ZNF804A: variants seen among roughly 807,000 people sequenced by gnomAD.
ZNF804A encodes zinc finger protein 804A.
ZNF804A carries 2 observed loss-of-function variants against 16.5 expected under a neutral mutation model. The observed-to-expected ratio is 0.12, with a 90% CI of 0.05 to 0.38. The LOEUF (loss-of-function observed/expected upper bound fraction) is 0.38. ZNF804A is among the 10% of genes least tolerant of loss of function. The pLI is 0.99. For synonymous variants in ZNF804A, 534 were observed against 489.6 expected (o/e 1.09, Z -1.20); for missense variants, 1,473 against 1,390.7 (o/e 1.06, Z -0.94).
chr2:184,910,490 C>A (rs573776968), intron 2 of ZNF804A, among the ~76,000 whole-genome samples: 2 of 152,096 alleles, frequency 1.3e-5, no homozygotes, highest in East Asian at 3.9e-4. Context: ...GGAATATACC[C>A]AATAATGAAA....
intron 2 of ZNF804A, among the ~76,000 whole-genome samples, chr2:184,893,437 T>G (rs1685017531): frequency 6.6e-6 from 1 of 152,062 alleles, no homozygotes; most frequent in Non-Finnish European, 1.5e-5. Context: ...TTTATTTTGT[T>G]GTAGAAGTAT....
intron 1 of ZNF804A, among the ~76,000 whole-genome samples, chr2:184,794,521 T>C (rs1694601055): frequency 6.6e-6 from 1 of 152,096 alleles, no homozygotes; most frequent in South Asian, 2.1e-4. Flanking sequence ...AGTCTGTGAG[T>C]TGTCTGTTTA....
At chr2:184,702,175 T>C (rs893023773) in intron 1 of ZNF804A, among the ~76,000 whole-genome samples, 5 of 152,072 alleles carry the variant, frequency 3.3e-5, no homozygotes, top group Admixed American at 2.6e-4. Context: ...CTGTGTGTAC[T>C]AATATATGCT....
intron 1 of ZNF804A, among the ~76,000 whole-genome samples, chr2:184,688,365 T>G (rs1692673077): frequency 6.6e-6 from 1 of 151,858 alleles, no homozygotes. Flanking sequence ...TGTGTGTGTG[T>G]GTGTGTACGT....
intron 1 of ZNF804A, among the ~76,000 whole-genome samples, chr2:184,761,470 G>C (rs1217023285): frequency 1.3e-5 from 2 of 152,044 alleles, no homozygotes; most frequent in African/African-American, 4.8e-5. Flanking sequence ...TGCATAAAAT[G>C]ATTGAAATAG....
chr2:184,832,837 C>G (rs754863741), intron 1 of ZNF804A, among the ~76,000 whole-genome samples: 14 of 151,904 alleles, frequency 9.2e-5, no homozygotes, highest in Non-Finnish European at 1.6e-4. Flanking sequence ...CCATGATTCT[C>G]TATATTTAGT....
intron 1 of ZNF804A, among the ~76,000 whole-genome samples, chr2:184,725,031 T>C (rs1490417114): frequency 2.6e-5 from 4 of 151,754 alleles, no homozygotes; most frequent in Non-Finnish European, 4.4e-5. Flanking sequence ...GGATTTATAA[T>C]TATTTTTTGA....
intron 1 of ZNF804A, among the ~76,000 whole-genome samples, chr2:184,832,279 G>T (rs1695275940): frequency 6.6e-6 from 1 of 152,006 alleles, no homozygotes; most frequent in African/African-American, 2.4e-5. Flanking sequence ...AATTTGCTAT[G>T]TGCTTAAAGA....
At chr2:184,835,160 G>C (rs1223540109) in intron 1 of ZNF804A, among the ~76,000 whole-genome samples, 1 of 152,078 alleles carries the variant, frequency 6.6e-6, no homozygotes, top group African/African-American at 2.4e-5. Flanking sequence ...GTTTGTACTG[G>C]GAAGGTTCTG....
intron 1 of ZNF804A, among the ~76,000 whole-genome samples, chr2:184,798,268 T>A (rs761120396): frequency 4.6e-5 from 7 of 152,020 alleles, no homozygotes; most frequent in Non-Finnish European, 8.8e-5. Flanking sequence ...TGCTTTTTTT[T>A]ATTTTGATAT....
chr2:184,804,123 C>G (rs1194436968), intron 1 of ZNF804A, among the ~76,000 whole-genome samples: 2 of 152,146 alleles, frequency 1.3e-5, no homozygotes, highest in East Asian at 3.8e-4. Context: ...CTCGGCCTCC[C>G]AAAGTGCTGG....
At chr2:184,603,511 C>T (rs1183934480) in intron 1 of ZNF804A, among the ~76,000 whole-genome samples, 2 of 152,024 alleles carry the variant, frequency 1.3e-5, no homozygotes, top group East Asian at 3.9e-4. Flanking sequence ...TCATATAATT[C>T]CTTTGAACAT....
intron 1 of ZNF804A, among the ~76,000 whole-genome samples, chr2:184,740,986 T>G (rs1693701831): frequency 6.6e-6 from 1 of 152,156 alleles, no homozygotes. Context: ...AGATGTCGGT[T>G]GTAAAATTAT....
At chr2:184,794,177 C>T (rs913595558) in intron 1 of ZNF804A, among the ~76,000 whole-genome samples, 1 of 152,128 alleles carries the variant, frequency 6.6e-6, no homozygotes, top group African/African-American at 2.4e-5. Flanking sequence ...TACTAGTTTC[C>T]ATTCCCACCA....
chr2:184,706,693 A>G (rs1220714846), intron 1 of ZNF804A, among the ~76,000 whole-genome samples: 1 of 152,146 alleles, frequency 6.6e-6, no homozygotes. Context: ...GCTGTGGTTT[A>G]GGACTACATA....
chr2:184,842,368 G>A (rs1392328279), intron 1 of ZNF804A, among the ~76,000 whole-genome samples: 1 of 152,088 alleles, frequency 6.6e-6, no homozygotes, highest in African/African-American at 2.4e-5. Context: ...AAAGCATCTG[G>A]GGAACCCCTG....
intron 1 of ZNF804A, among the ~76,000 whole-genome samples, chr2:184,644,204 A>T (rs1259959353): frequency 6.7e-6 from 1 of 148,244 alleles, no homozygotes; most frequent in African/African-American, 2.5e-5. Context: ...AACCAAGGAG[A>T]GATATGAAGA....
intron 1 of ZNF804A, among the ~76,000 whole-genome samples, chr2:184,710,811 T>A (rs1197464090): frequency 1.3e-5 from 2 of 151,798 alleles, no homozygotes; most frequent in African/African-American, 4.8e-5. Flanking sequence ...TCCCTCCAAG[T>A]CCAACATGTT....
chr2:184,869,605 C>A (rs1574249504), intron 2 of ZNF804A, among the ~76,000 whole-genome samples: 1 of 151,954 alleles, frequency 6.6e-6, no homozygotes. Context: ...TTAATACGTT[C>A]TTATTATTAT....
Sources: gnomAD v4.1 joint callset for allele counts (sites outside exome capture counted in the v4.1 genomes callset) on GRCh38, gnomAD v4.1.1 for gene constraint, MANE v1.5 for transcripts, NCBI Gene and HGNC (gene_info 2026-07-23, HGNC 2026-07-21) for gene names.